Variants in MYO3B observed in about 807,000 individuals in gnomAD.
MYO3B encodes the protein myosin-IIIb.
A neutral mutation model predicts 174.6 loss-of-function variants in MYO3B; 156 were observed. That is an observed-to-expected ratio of 0.89 (90% CI 0.78 to 1.02). The LOEUF is 1.02. Among genes scored for constraint, MYO3B ranks in the 50% least tolerant of loss-of-function variants. The probability of loss-of-function intolerance (pLI) is 0.00; values close to 1 mark genes in which losing one functional copy is unlikely to be tolerated. For synonymous variants in MYO3B, 563 were observed against 569.1 expected (o/e 0.99, Z 0.15); for missense variants, 1,632 against 1,639.4 (o/e 1.00, Z 0.08).
chr2:170,280,856 C>A (rs1574708827), intron 7 of MYO3B, among the ~76,000 whole-genome samples: 1 of 152,098 alleles, frequency 6.6e-6, no homozygotes. Context: ...TGTATCAGTA[C>A]TATGCTGTTT....
At chr2:170,594,975 G>A (rs375144988) in intron 32 of MYO3B, among the ~76,000 whole-genome samples, 1 of 152,122 alleles carries the variant, frequency 6.6e-6, no homozygotes, top group Non-Finnish European at 1.5e-5. Context: ...GTGTGAAGAG[G>A]ATCTAAGGAC....
chr2:170,344,249 C>A (rs1355970622), intron 8 of MYO3B: 3 of 152,302 alleles, frequency 2.0e-5, no homozygotes, highest in African/African-American at 7.2e-5. Flanking sequence ...GGGTGGATCA[C>A]AAGGTCCAGG....
chr2:170,206,437 G>A lies in MYO3B; in HGVS notation c.321+6153G>A, dbSNP rs2092714003. Among the ~76,000 whole-genome samples, 1 of 152,164 alleles carries A rather than the reference G, an allele frequency of 6.6e-6. No homozygotes were observed. The highest frequency in any genetic ancestry group is 2.4e-5 in the African/African-American group (1 of 41,442). On this transcript the variant is annotated intron_variant, in intron 3 of 34. Transcript: ENST00000408978. This position sits in a 1 kb window ranked among gnomAD's most constrained non-coding sequence, Gnocchi z 4.3. Reference sequence around the variant, plus strand: ...AGTGACCTCTTTGAGGCTAGAGATTGTGTCATATTCATGATTGAGTAATAG... The same window carrying A: ...AGTGACCTCTTTGAGGCTAGAGATTATGTCATATTCATGATTGAGTAATAG...
chr2:170,477,480 G>C (rs376353179), intron 25 of MYO3B, among the ~76,000 whole-genome samples: 1 of 151,982 alleles, frequency 6.6e-6, no homozygotes, highest in Non-Finnish European at 1.5e-5. Flanking sequence ...AGCACTTCAC[G>C]TGTTATGGTA....
At chr2:170,628,631 G>GGGAGCTGTAGACT (rs1196861435) in intron 32 of MYO3B, among the ~76,000 whole-genome samples, 1 of 152,204 alleles carries the variant, frequency 6.6e-6, no homozygotes, top group African/African-American at 2.4e-5. Flanking sequence ...CGTTCACGCT[G>GGGAGCTGTAGACT]GGAGCTGTAG....
chr2:170,404,885 T>C (rs566877878), intron 20 of MYO3B, among the ~76,000 whole-genome samples: 1 of 152,366 alleles, frequency 6.6e-6, no homozygotes, highest in Admixed American at 6.5e-5. Flanking sequence ...TACTATTATC[T>C]ACAGGATGAA....
At chr2:170,504,018 G>A (rs936226946) in intron 28 of MYO3B, among the ~76,000 whole-genome samples, 3 of 152,188 alleles carry the variant, frequency 2.0e-5, no homozygotes, top group Non-Finnish European at 2.9e-5. Context: ...AAGAAGCAAA[G>A]CAACTCATTC....
chr2:170,340,240 G>A (rs149748402), intron 8 of MYO3B: 124 of 152,192 alleles, frequency 8.1e-4, no homozygotes, highest in African/African-American at 2.8e-3. Flanking sequence ...GGTTTTTTAG[G>A]AATTAAATTT....
At chr2:170,290,533 A>G (rs2093588912) in intron 7 of MYO3B, among the ~76,000 whole-genome samples, 1 of 152,146 alleles carries the variant, frequency 6.6e-6, no homozygotes, top group Non-Finnish European at 1.5e-5. Flanking sequence ...TGCATAGGAT[A>G]CATTTTTCTA....
At position 170,387,201 on chromosome 2, in the gene MYO3B, C is replaced by A; in HGVS notation, c.1470C>A (p.Ser490Arg). 6.2e-7 allele frequency: 1 copy of A among 1,614,106 alleles called. No homozygotes were observed. Residue 490 changes from serine (S) to arginine (R), a missense_variant, in exon 14 of 35, where the codon AGC (serine) becomes AGA (arginine). Ser to Arg is a moderately radical substitution (Grantham distance 110, BLOSUM62 -1). Transcript: ENST00000408978. ...NSCTAINDNSSRFGKYLEMMF... is the reference protein window; with the variant it reads ...NSCTAINDNSRRFGKYLEMMF... ...GCACTGCCATCAATGACAACTCGAG[C>A]CGTTTTGGAAAATATCTGGAAATGA...
chr2:170,393,615 A>G (rs1173378124), intron 16 of MYO3B, among the ~76,000 whole-genome samples: 1 of 152,206 alleles, frequency 6.6e-6, no homozygotes, highest in East Asian at 1.9e-4. Context: ...TTAAGGGATT[A>G]GATTACAAGA....
At chr2:170,262,207 T>C (rs933235928) in intron 7 of MYO3B, among the ~76,000 whole-genome samples, 2 of 152,174 alleles carry the variant, frequency 1.3e-5, no homozygotes, top group African/African-American at 4.8e-5. Context: ...AGGATGGGGA[T>C]TGGGGCCAAA....
rs140394525 is a variant in MYO3B, at chr2:170,629,989, C to G, written c.3734-21639C>G. Among the ~76,000 whole-genome samples the G allele has an allele frequency of 1.5e-3, 232 of 152,330 alleles. 3 individuals carry two copies. Among genetic ancestry groups the G allele is most frequent in the African/African-American group, 5.3e-3 (221 of 41,580 alleles). ...TCCATTCTACACCTCCCAGCATGATCAACACAGAAGATGGGTGATTTCTGC... is the reference window on the plus strand; with the variant it reads ...TCCATTCTACACCTCCCAGCATGATGAACACAGAAGATGGGTGATTTCTGC... On this transcript the variant is annotated intron_variant, in intron 32 of 34. Coordinates refer to ENST00000408978, the MANE Select transcript of MYO3B (RefSeq NM_138995.5).
At chr2:170,388,190 T>A (rs754683435) in intron 14 of MYO3B, among the ~76,000 whole-genome samples, 1 of 152,126 alleles carries the variant, frequency 6.6e-6, no homozygotes, top group Non-Finnish European at 1.5e-5. Flanking sequence ...TTGTGTTGGC[T>A]TGTAAGAGCA....
At chr2:170,636,023 T>A (rs1575310899) in intron 32 of MYO3B, among the ~76,000 whole-genome samples, 1 of 152,228 alleles carries the variant, frequency 6.6e-6, no homozygotes, top group African/African-American at 2.4e-5. Flanking sequence ...AGCTGTCTGT[T>A]TTTTTCTTTT....
chr2:170,500,487 A>G (rs1324475682), intron 27 of MYO3B, among the ~76,000 whole-genome samples: 1 of 152,214 alleles, frequency 6.6e-6, no homozygotes, highest in Non-Finnish European at 1.5e-5. Flanking sequence ...TTTAATAGAT[A>G]GGGAGAGTTC....
At chr2:170,536,808 A>G (rs1385672509) in intron 30 of MYO3B, among the ~76,000 whole-genome samples, 1 of 152,096 alleles carries the variant, frequency 6.6e-6, no homozygotes, top group South Asian at 2.1e-4. Flanking sequence ...TATGTTTTCT[A>G]TTATCTCTTA....
At position 170,402,836 on chromosome 2, in the gene MYO3B, T is replaced by A; in HGVS notation, c.2130-12T>A. 1 of 1,590,390 alleles carries A rather than the reference T, an allele frequency of 6.3e-7. No individual in the cohort carries two copies. The highest frequency in any genetic ancestry group is 8.6e-7 in the Non-Finnish European group (1 of 1,162,882). The stretch of plus-strand genomic sequence containing the variant: ...CCTCCCCTAAAGAGTTTTGTTCTTC[T>A]CTCTCATGCAGTAGTGCAGGAGGTG... On this transcript the variant is annotated splice_polypyrimidine_tract_variant and intron_variant, in intron 18 of 34. Coordinates refer to ENST00000408978, the MANE Select transcript of MYO3B (RefSeq NM_138995.5).
At chr2:170,503,075 C>T (rs1687384349) in intron 28 of MYO3B, among the ~76,000 whole-genome samples, 1 of 152,248 alleles carries the variant, frequency 6.6e-6, no homozygotes, top group South Asian at 2.1e-4. Flanking sequence ...CCCTACTTGC[C>T]TGCCTCCCAA....
Sources: gnomAD v4.1 joint callset for allele counts (sites outside exome capture counted in the v4.1 genomes callset) on GRCh38, gnomAD v4.1.1 for gene constraint, Gnocchi (gnomAD v3.1) non-coding constraint, MANE v1.5 for transcripts, NCBI Gene and HGNC (gene_info 2026-07-23, HGNC 2026-07-21) for gene names.